The following VPS35L variants were observed in gnomAD, a reference collection of about 807,000 sequenced individuals.
VPS35L encodes the protein VPS35 endosomal protein sorting factor like, also known as VPS35 endosomal protein-sorting factor-like.
Under a neutral mutation model 133.0 loss-of-function variants are expected in VPS35L, and 83 were observed. The observed-to-expected ratio is 0.62, with a 90% CI of 0.52 to 0.75. The LOEUF (loss-of-function observed/expected upper bound fraction) is 0.75, where lower values mean the gene tolerates loss of function less well. Among genes scored for constraint, VPS35L ranks in the 30% least tolerant of loss-of-function variants. VPS35L has a pLI of 0.00. For synonymous variants in VPS35L, 423 were observed against 449.9 expected, an observed-to-expected ratio of 0.94 and a Z score of 0.76; for missense variants, 1,083 against 1,206.8, an observed-to-expected ratio of 0.90 and a Z score of 1.52.
At chr16:19,638,008 C>G (rs983711044) in intron 20 of VPS35L, among the ~76,000 whole-genome samples, 5 of 152,210 alleles carry the variant, frequency 3.3e-5, no homozygotes, top group African/African-American at 1.2e-4. Flanking sequence ...GCTTTTTAAT[C>G]ACACAGCCTA....
chr16:19,600,856 C>T (rs113867017), intron 8 of VPS35L, among the ~76,000 whole-genome samples: 88 of 152,232 alleles, frequency 5.8e-4, no homozygotes, highest in Middle Eastern at 3.4e-3. Context: ...ATAGAGATAT[C>T]GCCACATTTT....
intron 14 of VPS35L, among the ~76,000 whole-genome samples, chr16:19,618,844 T>C (rs1176120973): frequency 6.6e-6 from 1 of 151,986 alleles, no homozygotes; most frequent in Non-Finnish European, 1.5e-5. Context: ...TGCGAGAGAG[T>C]TGGGAAGGAG....
At chr16:19,555,873 G>C in intron 1 of VPS35L, 127 bp downstream of exon 1, 1 of 1,334,720 alleles carries the variant, frequency 7.5e-7, no homozygotes, top group Non-Finnish European at 1.0e-6. Flanking sequence ...CCCCCAAGTT[G>C]TCTTGACCGT....
intron 27 of VPS35L, among the ~76,000 whole-genome samples, chr16:19,672,418 A>G (rs1339305652): frequency 1.3e-5 from 2 of 152,248 alleles, no homozygotes; most frequent in East Asian, 3.8e-4. Context: ...TGTATTGATG[A>G]TCGCACAACT....
intron 14 of VPS35L, among the ~76,000 whole-genome samples, chr16:19,622,140 C>CT (rs60521137): frequency 0.27 from 28,565 of 107,458 alleles, 4,241 homozygotes; most frequent in Middle Eastern, 0.35. Context: ...CCATGTATAT[C>CT]TTTTTTTTTT....
rs768235780 is a variant in VPS35L, at chr16:19,616,806, G to A, written c.1222G>A (p.Glu408Lys). The change falls in exon 14 of 31, where the codon GAG becomes AAG. Residue 408 changes from glutamate to lysine, a missense_variant and splice_region_variant. Glu to Lys is a moderately conservative substitution (Grantham distance 56). Coordinates refer to ENST00000417362, the MANE Select transcript of VPS35L (RefSeq NM_020314.7). Reference sequence around the variant, plus strand: ...CCAGTGCATCTCCTACCATGCCCCCGAGGTAACTGCCAGGTGGCTTCAGTG... The same window carrying A: ...CCAGTGCATCTCCTACCATGCCCCCAAGGTAACTGCCAGGTGGCTTCAGTG... ...IFQCISYHAP[E>K]ALLTEMMERC... is the part of the protein sequence containing the mutation. The A allele has an allele frequency of 3.3e-5, 54 of 1,614,016 alleles. No homozygotes were observed. The highest frequency in any genetic ancestry group is 5.3e-5 in the African/African-American group (4 of 74,904).
intron 9 of VPS35L, among the ~76,000 whole-genome samples, chr16:19,605,358 C>T (rs1972507906): frequency 6.6e-6 from 1 of 152,126 alleles, no homozygotes; most frequent in Non-Finnish European, 1.5e-5. Context: ...TTGAAGGAGT[C>T]CCCATGTAGC....
At chr16:19,659,023 T>C (rs1371024282) in intron 26 of VPS35L, among the ~76,000 whole-genome samples, 1 of 152,214 alleles carries the variant, frequency 6.6e-6, no homozygotes, top group African/African-American at 2.4e-5. Context: ...CTCTCTATAT[T>C]AGGTTAGTTC....
rs186716124 is a variant in VPS35L at position 19,686,779 on chromosome 16, T to A, written c.2527+4389T>A. ...ACCAAGTGTCAGCATGGAAAATAAA[T>A]TCCTCCCTTCTCACCCCTTTTCCCA... On this transcript the variant is annotated intron_variant, in intron 28 of 30. Transcript: ENST00000417362. 4.0e-3 allele frequency among the ~76,000 whole-genome samples: 609 copies of A among 152,146 alleles called. 7 individuals are homozygous for A. Among genetic ancestry groups the A allele is most frequent in the African/African-American group, 0.014 (592 of 41,464 alleles).
At chr16:19,694,643 C>T (rs1292713869) in intron 29 of VPS35L, among the ~76,000 whole-genome samples, 1 of 152,082 alleles carries the variant, frequency 6.6e-6, no homozygotes, top group East Asian at 1.9e-4. Context: ...GCATGTACCA[C>T]CACACCCAGC....
intron 10 of VPS35L, 183 bp downstream of exon 10, chr16:19,608,457 C>CCTG: frequency 1.8e-6 from 1 of 548,062 alleles, no homozygotes; most frequent in Non-Finnish European, 3.2e-6. Context: ...GACTCTTGCT[C>CCTG]TTTCCAGTTT....
At chr16:19,579,248 C>T in intron 6 of VPS35L, 120 bp downstream of exon 6, 1 of 903,684 alleles carries the variant, frequency 1.1e-6, no homozygotes, top group Non-Finnish European at 1.7e-6. Context: ...GTGCTTGGTC[C>T]TCTCGAGGCA....
intron 26 of VPS35L, among the ~76,000 whole-genome samples, chr16:19,667,683 G>A (rs1024929765): frequency 5.4e-5 from 8 of 148,840 alleles, no homozygotes; most frequent in East Asian, 4.0e-4. Flanking sequence ...GCAGTGAGTC[G>A]AGATCACACC....
intron 28 of VPS35L, 56 bp downstream of exon 28, chr16:19,682,446 C>T (rs1555507869): frequency 7.8e-6 from 12 of 1,540,662 alleles, no homozygotes; most frequent in Non-Finnish European, 1.1e-5. Context: ...GAAAGGCAGA[C>T]AGAATGCTTT....
chr16:19,683,070 A>G (rs1975343735), intron 28 of VPS35L, among the ~76,000 whole-genome samples: 1 of 152,126 alleles, frequency 6.6e-6, no homozygotes, highest in African/African-American at 2.4e-5. Flanking sequence ...GAATACAGGC[A>G]TGTGCCACTG....
At chr16:19,638,729 A>G (rs1973696640) in intron 20 of VPS35L, among the ~76,000 whole-genome samples, 1 of 152,222 alleles carries the variant, frequency 6.6e-6, no homozygotes, top group Non-Finnish European at 1.5e-5. Flanking sequence ...GAGACGCTAG[A>G]CAAAGGGATG....
At chr16:19,691,737 T>A (rs1301073588) in intron 29 of VPS35L, among the ~76,000 whole-genome samples, 3 of 152,102 alleles carry the variant, frequency 2.0e-5, no homozygotes, top group Non-Finnish European at 2.9e-5. Flanking sequence ...CCGGACCCTG[T>A]CTGAAGGAGC....
At chr16:19,563,059 C>T (rs1216562306) in intron 1 of VPS35L, among the ~76,000 whole-genome samples, 1 of 151,998 alleles carries the variant, frequency 6.6e-6, no homozygotes, top group Non-Finnish European at 1.5e-5. Context: ...GCCACCATGC[C>T]CAGCAGAGAG....
intron 5 of VPS35L, chr16:19,578,815 G>A: frequency 1.8e-6 from 1 of 551,016 alleles, no homozygotes; most frequent in South Asian, 2.1e-5. Context: ...AAATGCAGCG[G>A]TTAACCTCTT....
Sources: allele counts gnomAD v4.1 joint callset (sites outside exome capture counted in the v4.1 genomes callset), GRCh38; gene constraint gnomAD v4.1.1; transcripts MANE v1.5; gene names NCBI Gene and HGNC (gene_info 2026-07-23, HGNC 2026-07-21).